TTC29: variants seen among roughly 807,000 people sequenced by gnomAD.
TTC29 encodes the protein tetratricopeptide repeat protein 29.
Under a neutral mutation model 58.1 loss-of-function variants are expected in TTC29, and 49 were observed. That is an observed-to-expected ratio of 0.84 (90% CI 0.67 to 1.07). The LOEUF (loss-of-function observed/expected upper bound fraction) is 1.07, where lower values mean the gene tolerates loss of function less well. TTC29 is among the 50% of genes least tolerant of loss of function. TTC29 has a pLI of 0.00. For synonymous variants in TTC29, 209 were observed against 196.8 expected (o/e 1.06, Z -0.52); for missense variants, 582 against 555.6 (o/e 1.05, Z -0.48).
chr4:146,737,597 G>GC (rs1554007332), intron 11 of TTC29, among the ~76,000 whole-genome samples: 6 of 150,290 alleles, frequency 4.0e-5, no homozygotes, highest in East Asian at 3.9e-4. Flanking sequence ...CCCTGGGGGG[G>GC]GGGGGGCTAC....
intron 11 of TTC29, among the ~76,000 whole-genome samples, chr4:146,775,716 G>T (rs1378050874): frequency 6.6e-6 from 1 of 151,966 alleles, no homozygotes; most frequent in African/African-American, 2.4e-5. Flanking sequence ...TGGAAAATCT[G>T]ATGTTTATGT....
At chr4:146,759,383 T>C (rs1268192167) in intron 11 of TTC29, among the ~76,000 whole-genome samples, 4 of 151,994 alleles carry the variant, frequency 2.6e-5, no homozygotes, top group Non-Finnish European at 5.9e-5. Flanking sequence ...CCAATACTTC[T>C]GACACTATTT....
chr4:146,783,798 A>G (rs1748799563), intron 11 of TTC29, among the ~76,000 whole-genome samples: 1 of 152,182 alleles, frequency 6.6e-6, no homozygotes. Flanking sequence ...TATGTTAAAC[A>G]GTACCATTTT....
At chr4:146,773,147 G>A (rs1438708127) in intron 11 of TTC29, among the ~76,000 whole-genome samples, 1 of 152,012 alleles carries the variant, frequency 6.6e-6, no homozygotes, top group Non-Finnish European at 1.5e-5. Context: ...TCCAGGTATA[G>A]TATCATCTAG....
chr4:146,833,401 A>G (rs1261377218), intron 9 of TTC29, among the ~76,000 whole-genome samples: 1 of 152,226 alleles, frequency 6.6e-6, no homozygotes, highest in East Asian at 1.9e-4. Flanking sequence ...GTCTTAATGG[A>G]AAAGCATGAC....
intron 4 of TTC29, among the ~76,000 whole-genome samples, chr4:146,916,966 T>G (rs1257707863): frequency 1.3e-5 from 2 of 151,210 alleles, no homozygotes; most frequent in East Asian, 3.9e-4. Flanking sequence ...GAAAAATATT[T>G]TATACTTAAA....
intron 4 of TTC29, among the ~76,000 whole-genome samples, chr4:146,933,156 G>A (rs558867247): frequency 6.6e-6 from 1 of 152,224 alleles, no homozygotes; most frequent in South Asian, 2.1e-4. Flanking sequence ...CACTAAGCTT[G>A]CTGACAAAGT....
intron 11 of TTC29, among the ~76,000 whole-genome samples, chr4:146,764,764 G>T (rs913299605): frequency 6.6e-6 from 1 of 152,102 alleles, no homozygotes; most frequent in Admixed American, 6.6e-5. Flanking sequence ...GTAAAGCAAT[G>T]CTTGGAGACG....
chr4:146,944,810 A>C (rs1285980107), intron 2 of TTC29, among the ~76,000 whole-genome samples: 1 of 115,562 alleles, frequency 8.7e-6, no homozygotes, highest in East Asian at 2.5e-4. Flanking sequence ...TATGCTCCCT[A>C]AGTAAAAAAA....
chr4:146,886,467 A>T (rs963374021), intron 6 of TTC29, among the ~76,000 whole-genome samples: 3 of 152,148 alleles, frequency 2.0e-5, no homozygotes, highest in Non-Finnish European at 2.9e-5. Context: ...CTAAAATGGC[A>T]TCAAGGATTA....
chr4:146,820,565 A>G (rs1751745641), intron 9 of TTC29, among the ~76,000 whole-genome samples: 1 of 152,212 alleles, frequency 6.6e-6, no homozygotes, highest in African/African-American at 2.4e-5. Flanking sequence ...ACTCCAAAAT[A>G]TATACCCAAG....
intron 4 of TTC29, among the ~76,000 whole-genome samples, chr4:146,914,621 A>T (rs1261457671): frequency 6.6e-6 from 1 of 152,168 alleles, no homozygotes; most frequent in Non-Finnish European, 1.5e-5. Context: ...GACATGCTGA[A>T]TGTATCCTGA....
intron 11 of TTC29, among the ~76,000 whole-genome samples, chr4:146,719,771 G>T (rs1488061232): frequency 6.6e-6 from 1 of 151,938 alleles, no homozygotes; most frequent in East Asian, 1.9e-4. Context: ...CATGTAAGTT[G>T]TTGTCTTTAT....
chr4:146,780,301 G>GT (rs1413733201), intron 11 of TTC29, among the ~76,000 whole-genome samples: 6 of 118,294 alleles, frequency 5.1e-5, no homozygotes, highest in South Asian at 3.0e-4. Flanking sequence ...TCCTAACTTG[G>GT]GGTGTGTGTG....
intron 10 of TTC29, among the ~76,000 whole-genome samples, chr4:146,814,724 CAAAAAAAAAAAA>C (rs1023402149): frequency 1.4e-4 from 5 of 35,148 alleles, no homozygotes; most frequent in East Asian, 9.5e-4. Flanking sequence ...GACTCCATCT[CAAAAAAAAAAAA>C]AAAAAAAAAA....
chr4:146,890,395 A>G (rs1009730059), intron 6 of TTC29, among the ~76,000 whole-genome samples: 1 of 152,210 alleles, frequency 6.6e-6, no homozygotes, highest in Admixed American at 6.5e-5. Context: ...TCCAGCCCTC[A>G]CATGAGAAGC....
intron 11 of TTC29, among the ~76,000 whole-genome samples, chr4:146,724,774 A>C (rs1181274836): frequency 6.6e-6 from 1 of 152,178 alleles, no homozygotes; most frequent in Non-Finnish European, 1.5e-5. Flanking sequence ...TCGGCCTCCC[A>C]AAGTGCTGGG....
intron 11 of TTC29, among the ~76,000 whole-genome samples, chr4:146,738,441 A>G (rs1430735733): frequency 6.6e-6 from 1 of 152,146 alleles, no homozygotes; most frequent in Non-Finnish European, 1.5e-5. Context: ...TACAAACCTG[A>G]GTGGCCTCAG....
At chr4:146,799,548 C>A (rs1448152694) in intron 11 of TTC29, among the ~76,000 whole-genome samples, 1 of 152,072 alleles carries the variant, frequency 6.6e-6, no homozygotes, top group African/African-American at 2.4e-5. Flanking sequence ...CTAAATGATG[C>A]ATAAAACTAC....
Sources: allele counts gnomAD v4.1 joint callset (sites outside exome capture counted in the v4.1 genomes callset), GRCh38; gene constraint gnomAD v4.1.1; transcripts MANE v1.5; gene names NCBI Gene and HGNC (gene_info 2026-07-23, HGNC 2026-07-21).